The following DLGAP3 variants were observed in gnomAD, a reference collection of about 807,000 sequenced individuals.
The protein encoded by DLGAP3 is DLG associated protein 3.
In DLGAP3, 17 loss-of-function variants were observed where a neutral mutation model predicts 81.2. The observed-to-expected ratio is 0.21, with a 90% CI of 0.14 to 0.31. The LOEUF is 0.31. DLGAP3 is among the 10% of genes least tolerant of loss of function. The probability of loss-of-function intolerance (pLI) is 1.00; values close to 1 mark genes in which losing one functional copy is unlikely to be tolerated. For synonymous variants in DLGAP3, 577 were observed against 587.4 expected (o/e 0.98, Z 0.26); for missense variants, 1,124 against 1,388.0 (o/e 0.81, Z 3.02).
intron 11 of DLGAP3, 107 bp downstream of exon 11, chr1:34,866,941 C>A: frequency 7.6e-7 from 1 of 1,320,450 alleles, no homozygotes; most frequent in Non-Finnish European, 1.1e-6. Context: ...GCCCTTGCTG[C>A]CCATGGATCC....
intron 8 of DLGAP3, among the ~76,000 whole-genome samples, chr1:34,877,724 A>G (rs1434027717): frequency 2.0e-5 from 3 of 152,254 alleles, no homozygotes; most frequent in African/African-American, 7.2e-5. Context: ...AGTACTGACT[A>G]ATGTTAGACG....
At chr1:34,896,618 A>ACACACAC (rs1557480818) in intron 5 of DLGAP3, among the ~76,000 whole-genome samples, 8 of 101,540 alleles carry the variant, frequency 7.9e-5, no homozygotes, top group African/African-American at 1.5e-4. Context: ...CACACACACA[A>ACACACAC]AATCAAACTG....
intron 5 of DLGAP3, among the ~76,000 whole-genome samples, chr1:34,897,941 T>G (rs996415189): frequency 1.3e-5 from 2 of 152,106 alleles, no homozygotes; most frequent in African/African-American, 2.4e-5. Flanking sequence ...AGGATAAAGT[T>G]GCCATTATCT....
At chr1:34,926,703 A>G (rs1380509493) in intron 1 of DLGAP3, among the ~76,000 whole-genome samples, 1 of 152,068 alleles carries the variant, frequency 6.6e-6, no homozygotes, top group African/African-American at 2.4e-5. Context: ...AAAACAACCA[A>G]ATACGGGGCC....
rs1255697375 is a variant in DLGAP3, at chr1:34,929,262, G to A, written c.-135+189C>T. Among the ~76,000 whole-genome samples the A allele has an allele frequency of 6.6e-6, 1 of 151,166 alleles. No homozygotes were observed. Among genetic ancestry groups the A allele is most frequent in the Non-Finnish European group, 1.5e-5 (1 of 67,596 alleles). On this transcript the variant is annotated intron_variant, in intron 1 of 11. Coordinates refer to ENST00000373347, the MANE Select transcript of DLGAP3 (RefSeq NM_001080418.3). This position sits in a 1 kb window ranked among gnomAD's most constrained non-coding sequence, Gnocchi z 6.5. ...TGCCCGCCCCTCGGGTCGGGCCCGC[G>A]GGCAGCCAGGCCGGGGCAGGAGCGG...
At chr1:34,921,584 T>C (rs1639797954) in intron 1 of DLGAP3, among the ~76,000 whole-genome samples, 1 of 152,220 alleles carries the variant, frequency 6.6e-6, no homozygotes, top group Admixed American at 6.5e-5. Context: ...GCAAGTTATC[T>C]GAGGTCAAGG....
chr1:34,866,962 C>A, intron 11 of DLGAP3, 86 bp downstream of exon 11: 2 of 1,495,160 alleles, frequency 1.3e-6, no homozygotes, highest in Non-Finnish European at 1.9e-6. Context: ...CTTCCCCTGC[C>A]CCCTTGTTCG....
At chr1:34,869,143 A>AC in intron 8 of DLGAP3, 54 bp from the exon 9 acceptor site, 1 of 1,336,730 alleles carries the variant, frequency 7.5e-7, no homozygotes, top group African/African-American at 1.5e-5. Flanking sequence ...GCCAGCTCTC[A>AC]CCCCCACCCC....
intron 1 of DLGAP3, among the ~76,000 whole-genome samples, chr1:34,914,753 G>C (rs1212313603): frequency 6.6e-6 from 1 of 152,228 alleles, no homozygotes; most frequent in Non-Finnish European, 1.5e-5. Context: ...AAATGCATGA[G>C]ACTTGGAGAC....
chr1:34,871,276 C>T (rs1638975908), intron 8 of DLGAP3, among the ~76,000 whole-genome samples: 1 of 152,162 alleles, frequency 6.6e-6, no homozygotes, highest in African/African-American at 2.4e-5. Flanking sequence ...CTCCTTGTTC[C>T]TTGAATCGAC....
In DLGAP3 at chr1:34,865,956, G is replaced by GGCCGGGGCGTCCGGT. The variant is rs973831395; in HGVS notation, c.*112_*126dup. On this transcript the variant is annotated 3_prime_UTR_variant, in exon 12 of 12. Transcript: ENST00000373347. ...CCCACGAGAGTGTGACGGGCCCGGGGGCCGGGGCGTCCGGTGCCGGTGGGG... is the reference window on the plus strand; with the variant it reads ...CCCACGAGAGTGTGACGGGCCCGGGGGCCGGGGCGTCCGGTGCCGGGGCGTCCGGTGCCGGTGGGG... The GGCCGGGGCGTCCGGT allele has an allele frequency of 2.5e-5, 21 of 828,862 alleles. No individual in the cohort carries two copies. Among genetic ancestry groups the GGCCGGGGCGTCCGGT allele is most frequent in the Non-Finnish European group, 3.8e-5 (20 of 526,624 alleles). The allele number at this position is 828,862 out of a possible 1,614,324, so 51.3% of individuals were successfully genotyped here. A position where few individuals can be genotyped will look rare whatever the true frequency, so the allele number is the denominator to read the frequency against.
intron 1 of DLGAP3, among the ~76,000 whole-genome samples, chr1:34,911,294 T>C (rs1639636892): frequency 6.6e-6 from 1 of 152,128 alleles, no homozygotes; most frequent in Admixed American, 6.5e-5. Context: ...TCCATACATA[T>C]CTCCCAGAGC....
intron 1 of DLGAP3, among the ~76,000 whole-genome samples, chr1:34,922,697 A>G (rs1430523148): frequency 6.6e-6 from 1 of 152,228 alleles, no homozygotes; most frequent in Non-Finnish European, 1.5e-5. Flanking sequence ...ACTTATGTAC[A>G]TATACACAGT....
intron 5 of DLGAP3, among the ~76,000 whole-genome samples, chr1:34,898,842 T>C (rs1639413455): frequency 6.6e-6 from 1 of 152,230 alleles, no homozygotes; most frequent in Non-Finnish European, 1.5e-5. Flanking sequence ...CTCACATTTA[T>C]AAAATGCCAT....
chr1:34,914,200 C>G (rs1471163665), intron 1 of DLGAP3, among the ~76,000 whole-genome samples: 1 of 152,170 alleles, frequency 6.6e-6, no homozygotes, highest in Admixed American at 6.5e-5. Flanking sequence ...TCCTCCTTCT[C>G]CAGGGCTGCC....
intron 6 of DLGAP3, 125 bp from the exon 7 acceptor site, chr1:34,885,916 G>A: frequency 2.7e-6 from 3 of 1,129,530 alleles, no homozygotes; most frequent in Non-Finnish European, 3.7e-6. Flanking sequence ...CACTCCACAT[G>A]CTGCTGCACA....
intron 8 of DLGAP3, among the ~76,000 whole-genome samples, chr1:34,881,951 T>C (rs1569610252): frequency 6.6e-6 from 1 of 152,206 alleles, no homozygotes; most frequent in Admixed American, 6.5e-5. Flanking sequence ...TTGAAAAACA[T>C]AGCCACTAAA....
chr1:34,926,695 A>C (rs968171409), intron 1 of DLGAP3, among the ~76,000 whole-genome samples: 1 of 152,098 alleles, frequency 6.6e-6, no homozygotes, highest in African/African-American at 2.4e-5. Flanking sequence ...AAAACTAAAA[A>C]ACAACCAAAT....
intron 8 of DLGAP3, among the ~76,000 whole-genome samples, chr1:34,874,566 T>G (rs1639022390): frequency 1.3e-5 from 2 of 152,174 alleles, no homozygotes; most frequent in Admixed American, 6.5e-5. Context: ...TGCAGAAGCC[T>G]CCTCCCTTTG....
Sources: gnomAD v4.1 joint callset for allele counts (sites outside exome capture counted in the v4.1 genomes callset) on GRCh38, gnomAD v4.1.1 for gene constraint, Gnocchi (gnomAD v3.1) non-coding constraint, MANE v1.5 for transcripts, NCBI Gene and HGNC (gene_info 2026-07-23, HGNC 2026-07-21) for gene names.